Variants in CLCF1 observed in about 807,000 individuals in gnomAD.
CLCF1 encodes the protein cardiotrophin-like cytokine factor 1.
A neutral mutation model predicts 21.2 loss-of-function variants in CLCF1; 10 were observed. The ratio of observed to expected loss-of-function variants is 0.47; its 90% confidence interval spans 0.29 to 0.80. CLCF1 has a LOEUF of 0.80. Ranked by LOEUF, CLCF1 falls within the 30% of genes least tolerant of loss-of-function variation. The probability of loss-of-function intolerance (pLI) is 0.09; values close to 1 mark genes in which losing one functional copy is unlikely to be tolerated. For synonymous variants in CLCF1, 115 were observed against 120.5 expected, an observed-to-expected ratio of 0.95 and a Z score of 0.30; for missense variants, 240 against 293.4, an observed-to-expected ratio of 0.82 and a Z score of 1.33.
At chr11:67,371,747 TG>T (rs577597128) in intron 1 of CLCF1, among the ~76,000 whole-genome samples, 3 of 134,724 alleles carry the variant, frequency 2.2e-5, no homozygotes, top group Non-Finnish European at 3.2e-5. Context: ...AAGAGGGGCG[TG>T]GGGGGGGAGG....
At position 67,365,555 on chromosome 11, in the gene CLCF1, C is replaced by T; in HGVS notation, c.259G>A (p.Ala87Thr). Residue 87 changes from alanine to threonine, a missense_variant, in exon 3 of 3, where the codon GCC becomes ACC. Transcript: ENST00000312438. This position sits in a 1 kb window ranked among gnomAD's most constrained non-coding sequence, Gnocchi z 5.0. ...CGCCACACCTCCAAGTCAACAGTGG[C>T]CCTGGGCAGAGTCTCTGCCCCCAGG... ...PRLGAETLPR[A>T]TVDLEVWRSL... The T allele has an allele frequency of 6.2e-7, 1 of 1,613,976 alleles. No homozygotes were observed. Among genetic ancestry groups the T allele is most frequent in the Non-Finnish European group, 8.5e-7 (1 of 1,179,842 alleles).
intron 1 of CLCF1, chr11:67,368,612 G>T: frequency 8.1e-6 from 8 of 985,436 alleles, no homozygotes; most frequent in Non-Finnish European, 9.6e-6. Flanking sequence ...TTAGGGTTTG[G>T]CTAGGGTAGA....
chr11:67,370,513 C>G (rs900054166), intron 1 of CLCF1: 14 of 984,534 alleles, frequency 1.4e-5, no homozygotes, highest in African/African-American at 1.8e-5. Context: ...GAGGAGCTAA[C>G]GAGTACAGCT....
Position 67,364,986 on chromosome 11 carries a change from GCTGAT to G in CLCF1, c.*145_*149del, listed in dbSNP as rs1215124758. 2 of 1,311,806 alleles carry G rather than the reference GCTGAT, an allele frequency of 1.5e-6. No homozygotes were observed. Among genetic ancestry groups the G allele is most frequent in the African/African-American group, 2.9e-5 (2 of 68,958 alleles). The allele number at this position is 1,311,806 out of a possible 1,614,324, so 81.3% of individuals were successfully genotyped here. ...CTTTGGGAGGTGGGGAGGAGACAGG[GCTGAT>G]CGCATCACACGCCCAGCCGGTCCAG... On this transcript the variant is annotated 3_prime_UTR_variant, in exon 3 of 3. Coordinates refer to ENST00000312438, the MANE Select transcript of CLCF1 (RefSeq NM_013246.3).
At position 67,372,830 on chromosome 11, in the gene CLCF1, CCCGGGGGACTCGCGGCCGCCGCCCG is replaced by C. The variant is rs1862268648; in HGVS notation, c.16+669_16+693del. ...AATAATCACTCCCAGGCCACGGTGG[CCCGGGGGACTCGCGGCCGCCGCCCG>C]CCGCCCCTACCTGCCGCCGGCTCCC... On this transcript the variant is annotated intron_variant, in intron 1 of 2. Transcript: ENST00000312438. This position sits in a 1 kb window ranked among gnomAD's most constrained non-coding sequence, Gnocchi z 5.9. Among the ~76,000 whole-genome samples, 1 of 150,068 alleles carries C rather than the reference CCCGGGGGACTCGCGGCCGCCGCCCG, an allele frequency of 6.7e-6. No homozygotes were observed. Among genetic ancestry groups the C allele is most frequent in the South Asian group, 2.1e-4 (1 of 4,830 alleles).
chr11:67,365,676 TGGC>T lies in CLCF1; in HGVS notation c.184-49_184-47del, dbSNP rs746249138. 1 of 1,563,816 alleles carries T rather than the reference TGGC, an allele frequency of 6.4e-7. No individual in the cohort carries two copies. The highest frequency in any genetic ancestry group is 1.2e-5 in the South Asian group (1 of 84,100). ...TGGGGAAGGAGGAGGGCAGAGCCGC[TGGC>T]TCACCACCAAGGAGATACCTGCTCC... is the stretch of plus-strand genomic sequence containing the variant. On this transcript the variant is annotated intron_variant, in intron 2 of 2. Coordinates refer to ENST00000312438, the MANE Select transcript of CLCF1 (RefSeq NM_013246.3). The surrounding 1 kb of genome is among the most constrained non-coding windows in gnomAD (Gnocchi z 5.0).
At chr11:67,370,539 AG>A in intron 1 of CLCF1, 1 of 827,142 alleles carries the variant, frequency 1.2e-6, no homozygotes, top group Non-Finnish European at 1.4e-6. Context: ...TTCCTGCAAC[AG>A]CCCCCCACCC....
At chr11:67,374,145 C>T, upstream of CLCF1, 2 of 985,640 alleles carry the variant, frequency 2.0e-6, no homozygotes, top group Non-Finnish European at 2.4e-6. Flanking sequence ...GACACATTCT[C>T]CCAAATGCCA....
At chr11:67,368,173 G>A (rs1862156769) in intron 1 of CLCF1, 1 of 985,276 alleles carries the variant, frequency 1.0e-6, no homozygotes, top group Non-Finnish European at 1.2e-6. Flanking sequence ...CAAGGTATAG[G>A]GTTAGACCAC....
chr11:67,365,430 C>T lies in CLCF1; in HGVS notation c.384G>A (p.Glu128=). The T allele has an allele frequency of 1.9e-6, 3 of 1,613,846 alleles. No homozygotes were observed. The highest frequency in any genetic ancestry group is 2.5e-6 in the Non-Finnish European group (3 of 1,179,896). Residue 128 remains glutamate, a synonymous_variant, in exon 3 of 3, where the codon GAG becomes GAA. Transcript: ENST00000312438. The surrounding 1 kb of genome is among the most constrained non-coding windows in gnomAD (Gnocchi z 5.0). The stretch of plus-strand genomic sequence containing the variant: ...AGAAGTGGGCCAGGCTGCGGCGCAG[C>T]TCAGCAGTGGCAGCCTGACGGTTGA... ...RGLNRQAATA[E]LRRSLAHFCT...
upstream of CLCF1, chr11:67,373,776 TGGGGGTAGGAGG>T (rs963206486): frequency 8.4e-5 from 16 of 189,428 alleles, 1 homozygote; most frequent in Non-Finnish European, 1.0e-4. Context: ...CTCCCCGGGG[TGGGGGTAGGAGG>T]GGGGAGGAGG....
At chr11:67,370,952 C>CTGAA in intron 1 of CLCF1, 1 of 985,424 alleles carries the variant, frequency 1.0e-6, no homozygotes, top group Non-Finnish European at 1.2e-6. Context: ...TCAGGCTGGG[C>CTGAA]TGAATATGGG....
intron 1 of CLCF1, chr11:67,367,952 A>G (rs560248833): frequency 1.0e-6 from 1 of 984,716 alleles, no homozygotes; most frequent in East Asian, 1.1e-4. Context: ...GTGTACATGG[A>G]GGGACGGGGC....
At chr11:67,369,215 T>C (rs1862179756) in intron 1 of CLCF1, 2 of 985,272 alleles carry the variant, frequency 2.0e-6, no homozygotes, top group African/African-American at 1.7e-5. Flanking sequence ...ACTTCGGCAG[T>C]GGCCCACCTG....
chr11:67,373,534 G>T lies in CLCF1; in HGVS notation c.6C>A (p.Asp2Glu). M[D>E]LRAGDSWGML... ...CCGCCTGGCTCCTACCTGCTCGGAG[G>T]TCCATGGGGCTGGGGCCGGGCCGGC... is the stretch of plus-strand genomic sequence containing the variant. Residue 2 changes from aspartate to glutamate, a missense_variant, in exon 1 of 3, where the codon GAC becomes GAA. By Grantham distance (45) the Asp-to-Glu change is conservative. Transcript: ENST00000312438. 1 of 1,431,206 alleles carries T rather than the reference G, an allele frequency of 7.0e-7. No individual in the cohort carries two copies. Among genetic ancestry groups the T allele is most frequent in the South Asian group, 1.4e-5 (1 of 72,154 alleles). The allele number at this position is 1,431,206 out of a possible 1,614,324, so 88.7% of individuals were successfully genotyped here.
intron 1 of CLCF1, chr11:67,368,276 G>A: frequency 9.1e-6 from 9 of 985,396 alleles, no homozygotes; most frequent in Non-Finnish European, 1.1e-5. Context: ...TAGATTGAAG[G>A]AGATTTAGTG....
intron 1 of CLCF1, chr11:67,370,158 C>T (rs1862197753): frequency 1.0e-6 from 1 of 985,414 alleles, no homozygotes; most frequent in Non-Finnish European, 1.2e-6. Context: ...GCTATGACAG[C>T]TTCCACTCTG....
chr11:67,364,953 C>CGGTAGCCCTTAGTCA lies in CLCF1; in HGVS notation c.*182_*183insTGACTAAGGGCTACC. Reference sequence around the variant, plus strand: ...GGCCTACTGTACCTCCTCCCCAGCTCGGTAGACCTTTGGGAGGTGGGGAGG... The same window carrying CGGTAGCCCTTAGTCA: ...GGCCTACTGTACCTCCTCCCCAGCTCGGTAGCCCTTAGTCAGGTAGACCTTTGGGAGGTGGGGAGG... On this transcript the variant is annotated 3_prime_UTR_variant, in exon 3 of 3. Coordinates refer to ENST00000312438, the MANE Select transcript of CLCF1 (RefSeq NM_013246.3). The CGGTAGCCCTTAGTCA allele has an allele frequency of 1.1e-6, 1 of 917,346 alleles. No homozygotes were observed. The highest frequency in any genetic ancestry group is 2.6e-5 in the Admixed American group (1 of 39,064). 56.8% of individuals were successfully genotyped at this position (917,346 alleles called of 1,614,324 possible). A position where few individuals can be genotyped will look rare whatever the true frequency, so the allele number is the denominator to read the frequency against.
chr11:67,367,395 T>C (rs1862133423), intron 2 of CLCF1, 65 bp downstream of exon 2: 1 of 1,612,288 alleles, frequency 6.2e-7, no homozygotes, highest in African/African-American at 1.3e-5. Context: ...CCTCCACGGT[T>C]AGGACTGTCT....
Sources: allele counts gnomAD v4.1 joint callset (sites outside exome capture counted in the v4.1 genomes callset), GRCh38; gene constraint gnomAD v4.1.1; non-coding constraint Gnocchi (gnomAD v3.1); transcripts MANE v1.5; gene names NCBI Gene and HGNC (gene_info 2026-07-23, HGNC 2026-07-21).